The following CDH13 variants were observed in gnomAD, a reference collection of about 807,000 sequenced individuals.
CDH13 encodes the protein cadherin-13.
A neutral mutation model predicts 63.8 loss-of-function variants in CDH13; 24 were observed. The ratio of observed to expected loss-of-function variants is 0.38; its 90% CI spans 0.27 to 0.53. CDH13 has a LOEUF of 0.53. CDH13 is among the 20% of genes least tolerant of loss of function. The pLI is 0.85. For missense variants in CDH13, 1,049 were observed against 903.1 expected (o/e 1.16, Z -2.07); for synonymous variants, 503 against 355.3 (o/e 1.42, Z -4.67).
chr16:83,507,058 T>A (rs76562795), intron 7 of CDH13, among the ~76,000 whole-genome samples: 19,147 of 152,224 alleles, frequency 0.13, 1,551 homozygotes, highest in South Asian at 0.24. Context: ...CTAATACACA[T>A]AGTCTGTTTC....
intron 4 of CDH13, among the ~76,000 whole-genome samples, chr16:83,161,469 G>A (rs1249529663): frequency 6.6e-6 from 1 of 152,142 alleles, no homozygotes; most frequent in Non-Finnish European, 1.5e-5. Context: ...TAAGGAGTCA[G>A]AATGTAATCA....
intron 5 of CDH13, among the ~76,000 whole-genome samples, chr16:83,231,774 T>C (rs2040004382): frequency 6.6e-6 from 1 of 152,072 alleles, no homozygotes; most frequent in South Asian, 2.1e-4. Flanking sequence ...CTGGTATGGG[T>C]TGGATGTTTG....
intron 6 of CDH13, among the ~76,000 whole-genome samples, chr16:83,483,766 T>C (rs1298351792): frequency 6.6e-6 from 1 of 152,184 alleles, no homozygotes; most frequent in African/African-American, 2.4e-5. Context: ...CTCTGATTTC[T>C]GATGGGGATA....
intron 2 of CDH13, among the ~76,000 whole-genome samples, chr16:82,889,416 C>T (rs2041003760): frequency 6.6e-6 from 1 of 152,132 alleles, no homozygotes; most frequent in African/African-American, 2.4e-5. Flanking sequence ...TAAGGCAACT[C>T]GCTTTCGGGT....
intron 8 of CDH13, among the ~76,000 whole-genome samples, chr16:83,627,328 T>C (rs1910402906): frequency 1.3e-5 from 2 of 152,034 alleles, no homozygotes; most frequent in Admixed American, 6.5e-5. Context: ...ATGGACCTAA[T>C]ACCCCACTTC....
At chr16:83,527,481 A>G (rs926385907) in intron 7 of CDH13, among the ~76,000 whole-genome samples, 1 of 152,168 alleles carries the variant, frequency 6.6e-6, no homozygotes. Context: ...AAGAATGGGA[A>G]TTCAGATACA....
intron 8 of CDH13, among the ~76,000 whole-genome samples, chr16:83,614,771 C>T (rs553669992): frequency 3.3e-5 from 5 of 152,124 alleles, no homozygotes; most frequent in East Asian, 3.9e-4. Context: ...AGACATGGTG[C>T]GGATATAATT....
At chr16:83,155,499 T>C (rs2037171050) in intron 4 of CDH13, among the ~76,000 whole-genome samples, 1 of 152,148 alleles carries the variant, frequency 6.6e-6, no homozygotes, top group African/African-American at 2.4e-5. Flanking sequence ...CATCTTTTGG[T>C]CTCCTGTCCT....
chr16:83,421,646 A>T (rs542805821), intron 6 of CDH13, among the ~76,000 whole-genome samples: 9 of 151,182 alleles, frequency 6.0e-5, no homozygotes, highest in South Asian at 4.2e-4. Context: ...ATTTTTAATT[A>T]TTCAGGACCA....
intron 7 of CDH13, among the ~76,000 whole-genome samples, chr16:83,525,089 G>T (rs1437562780): frequency 2.0e-5 from 3 of 152,132 alleles, no homozygotes; most frequent in African/African-American, 7.2e-5. Context: ...CAATTTACTT[G>T]TAATGAAAAC....
chr16:83,225,004 A>T (rs752502836), intron 5 of CDH13, among the ~76,000 whole-genome samples: 1 of 152,234 alleles, frequency 6.6e-6, no homozygotes, highest in Non-Finnish European at 1.5e-5. Flanking sequence ...CTCACTGGGC[A>T]GTTTCAAACT....
chr16:82,735,665 A>G (rs549798519), intron 1 of CDH13, among the ~76,000 whole-genome samples: 2 of 152,344 alleles, frequency 1.3e-5, no homozygotes, highest in Non-Finnish European at 2.9e-5. Flanking sequence ...GTGAAATGGA[A>G]GGTTTAAATG....
chr16:82,757,218 C>G (rs1236247152), intron 1 of CDH13, among the ~76,000 whole-genome samples: 2 of 152,218 alleles, frequency 1.3e-5, no homozygotes, highest in Non-Finnish European at 2.9e-5. Context: ...TTTTCACCAC[C>G]TTTCCATGCC....
chr16:83,636,751 C>A (rs1261554601), intron 8 of CDH13, among the ~76,000 whole-genome samples: 3 of 152,130 alleles, frequency 2.0e-5, no homozygotes, highest in Admixed American at 6.6e-5. Flanking sequence ...AGTAGAGTGA[C>A]CTATTTTCCT....
chr16:83,500,307 TCC>T lies in CDH13; in HGVS notation c.960+13653_960+13654del, dbSNP rs2074245531. 3.7e-3 allele frequency among the ~76,000 whole-genome samples: 8 copies of T among 2,174 alleles called. 2 individuals are homozygous for T. Among genetic ancestry groups the T allele is most frequent in the Admixed American group, 0.023 (2 of 86 alleles). The allele number at this position is 2,174 out of a possible 152,430, so 1.4% of individuals were successfully genotyped here. A position where few individuals can be genotyped will look rare whatever the true frequency, so the allele number is the denominator to read the frequency against. On this transcript the variant is annotated intron_variant, in intron 7 of 13. Transcript: ENST00000567109. The stretch of plus-strand genomic sequence containing the variant: ...CTTCTTCTTCTTCTCCTTCTCCTTC[TCC>T]TTCTCCTTCTCCTCCTCCTCCTCCT...
chr16:82,746,866 G>T (rs992376613), intron 1 of CDH13, among the ~76,000 whole-genome samples: 2 of 152,118 alleles, frequency 1.3e-5, no homozygotes, highest in Non-Finnish European at 2.9e-5. Context: ...CACTTATAAT[G>T]TAACTCCCTG....
At chr16:83,081,605 G>A (rs1202908121) in intron 3 of CDH13, among the ~76,000 whole-genome samples, 1 of 152,086 alleles carries the variant, frequency 6.6e-6, no homozygotes, top group Non-Finnish European at 1.5e-5. Context: ...TACAGATCAG[G>A]TACCAGCAGG....
Position 83,521,904 on chromosome 16 carries a change from C to T in CDH13, c.960+35249C>T, listed in dbSNP as rs188545258. Among the ~76,000 whole-genome samples, 6 of 152,286 alleles carry T rather than the reference C, an allele frequency of 3.9e-5. No homozygotes were observed. In the East Asian group the frequency reaches 5.8e-4, roughly 15 times the overall value. On this transcript the variant is annotated intron_variant, in intron 7 of 13. Coordinates refer to ENST00000567109, the MANE Select transcript of CDH13 (RefSeq NM_001257.5). The stretch of plus-strand genomic sequence containing the variant: ...GGCAAATCATCCTACTATATGAGGT[C>T]GTTGAAGTTTAAATGAAAGAGTGTA...
At chr16:82,753,767 A>G (rs2034509804) in intron 1 of CDH13, among the ~76,000 whole-genome samples, 1 of 152,104 alleles carries the variant, frequency 6.6e-6, no homozygotes, top group Admixed American at 6.5e-5. Flanking sequence ...TTACTCCACA[A>G]TCCATGGGGC....
Sources: gnomAD v4.1 joint callset for allele counts (sites outside exome capture counted in the v4.1 genomes callset) on GRCh38, gnomAD v4.1.1 for gene constraint, MANE v1.5 for transcripts, NCBI Gene and HGNC (gene_info 2026-07-23, HGNC 2026-07-21) for gene names.